Variants in BUB3 observed in about 807,000 individuals in gnomAD.
BUB3 encodes the protein mitotic checkpoint protein BUB3.
In BUB3, 22 loss-of-function variants were observed where a neutral mutation model predicts 39.9. The ratio of observed to expected loss-of-function variants is 0.55; its 90% CI spans 0.39 to 0.79. The LOEUF (loss-of-function observed/expected upper bound fraction) is 0.79. BUB3 is among the 30% of genes least tolerant of loss of function. The pLI is 0.00. For synonymous variants in BUB3, 168 were observed against 155.1 expected, an observed-to-expected ratio of 1.08 and a Z score of -0.62; for missense variants, 303 against 415.4, an observed-to-expected ratio of 0.73 and a Z score of 2.35.
chr10:123,159,865 C>A (rs760240669), intron 4 of BUB3, among the ~76,000 whole-genome samples: 1 of 152,062 alleles, frequency 6.6e-6, no homozygotes, highest in Non-Finnish European at 1.5e-5. Context: ...GCTCCCTCAC[C>A]CTTCCTGGAA....
At chr10:123,163,729 T>G in intron 7 of BUB3, 91 bp from the exon 8 acceptor site, 1 of 1,160,676 alleles carries the variant, frequency 8.6e-7, no homozygotes, top group Non-Finnish European at 1.3e-6. Flanking sequence ...GATAAAGGGC[T>G]GTGTTTGCAT....
At chr10:123,161,580 C>G (rs1844424708) in intron 5 of BUB3, among the ~76,000 whole-genome samples, 1 of 152,124 alleles carries the variant, frequency 6.6e-6, no homozygotes, top group African/African-American at 2.4e-5. Flanking sequence ...TCTTCATAAA[C>G]AGTTTTCAGG....
In BUB3 at chr10:123,164,664, G is replaced by C; in HGVS notation, c.*829G>C. On this transcript the variant is annotated 3_prime_UTR_variant, in exon 8 of 8. Transcript: ENST00000368865. ...ATGAATTTTTGGAAACATTAATGAG[G>C]TTTACATATTTCTCTGACATTTATA... 9.9e-7 allele frequency: 1 copy of C among 1,005,316 alleles called. No individual in the cohort carries two copies. The highest frequency in any genetic ancestry group is 1.7e-5 in the African/African-American group (1 of 57,964). The allele number at this position is 1,005,316 out of a possible 1,614,324, so 62.3% of individuals were successfully genotyped here. A position where few individuals can be genotyped will look rare whatever the true frequency, so the allele number is the denominator to read the frequency against.
Position 123,160,571 on chromosome 10 carries a change from G to T in BUB3, c.576+6G>T. The T allele has an allele frequency of 6.4e-7, 1 of 1,562,244 alleles. No individual in the cohort carries two copies. The highest frequency in any genetic ancestry group is 1.2e-5 in the South Asian group (1 of 83,370). ...GAGCGTTTCCAAACAAGCAGGTATT[G>T]AACTATACCTCCTCTTCTTTCTGGA... On this transcript the variant is annotated splice_donor_region_variant and intron_variant, in intron 5 of 7. Transcript: ENST00000368865.
chr10:123,162,542 C>T lies in BUB3; in HGVS notation c.755-70C>T. On this transcript the variant is annotated intron_variant, in intron 6 of 7. Transcript: ENST00000368865. Reference sequence around the variant, plus strand: ...TAACTTCTATGACCTTAAAAATTAACTGTTAAGAGAATGGTTATTTCTGTA... The same window carrying T: ...TAACTTCTATGACCTTAAAAATTAATTGTTAAGAGAATGGTTATTTCTGTA... 2.6e-6 allele frequency: 4 copies of T among 1,557,350 alleles called. No homozygotes were observed. The East Asian group carries it at 6.7e-5, about 26-fold the overall frequency.
At position 123,164,022 on chromosome 10, in the gene BUB3, A is replaced by G; in HGVS notation, c.*187A>G. On this transcript the variant is annotated 3_prime_UTR_variant, in exon 8 of 8. Coordinates refer to ENST00000368865, the MANE Select transcript of BUB3 (RefSeq NM_004725.4). ...ATAAACACCTTCTTAAGTGCATGAG[A>G]TGGTTTGATGGTTTGCTGCATTAAA... The G allele has an allele frequency of 7.8e-7, 1 of 1,283,544 alleles. No individual in the cohort carries two copies. Among genetic ancestry groups the G allele is most frequent in the Non-Finnish European group, 9.9e-7 (1 of 1,014,180 alleles). 79.5% of individuals were successfully genotyped at this position (1,283,544 alleles called of 1,614,324 possible).
In BUB3 at chr10:123,169,406, A is replaced by G. The variant is rs1564786098; in HGVS notation, c.*5571A>G. On this transcript the variant is annotated 3_prime_UTR_variant, in exon 8 of 8. Transcript: ENST00000368865. Reference sequence around the variant, plus strand: ...TGCCTGTGATGTGCCAGCCACTGCTAGGTTCTGGGGCTCAAAACACTGTGA... The same window carrying G: ...TGCCTGTGATGTGCCAGCCACTGCTGGGTTCTGGGGCTCAAAACACTGTGA... 6.6e-6 allele frequency: 1 copy of G among 152,370 alleles called. No individual in the cohort carries two copies. Among genetic ancestry groups the G allele is most frequent in the Non-Finnish European group, 1.5e-5 (1 of 68,038 alleles). 9.4% of individuals were successfully genotyped at this position (152,370 alleles called of 1,614,324 possible).
intron 4 of BUB3, among the ~76,000 whole-genome samples, chr10:123,158,609 C>A (rs1844380779): frequency 6.6e-6 from 1 of 152,190 alleles, no homozygotes; most frequent in African/African-American, 2.4e-5. Context: ...TATTCAATTC[C>A]TGTTAGCCAT....
In BUB3 at chr10:123,170,128, G is replaced by T. The variant is rs1392223122; in HGVS notation, c.*6293G>T. The stretch of plus-strand genomic sequence containing the variant: ...ATGAAGAGAATACCTAGCTCATGGA[G>T]TTAGGAACAAGTATGTTAAATATTT... On this transcript the variant is annotated 3_prime_UTR_variant, in exon 8 of 8. Transcript: ENST00000368865. The T allele has an allele frequency of 6.6e-6, 1 of 152,186 alleles. No individual in the cohort carries two copies. The highest frequency in any genetic ancestry group is 1.5e-5 in the Non-Finnish European group (1 of 68,036). 9.4% of individuals were successfully genotyped at this position (152,186 alleles called of 1,614,324 possible).
chr10:123,161,777 T>C (rs1844426690), intron 5 of BUB3, among the ~76,000 whole-genome samples: 1 of 152,226 alleles, frequency 6.6e-6, no homozygotes, highest in African/African-American at 2.4e-5. Context: ...ATGCAAGAAG[T>C]AGTATGACTG....
Position 123,165,022 on chromosome 10 carries a change from T to C in BUB3, c.*1187T>C. 1 of 1,613,006 alleles carries C rather than the reference T, an allele frequency of 6.2e-7. No homozygotes were observed. The highest frequency in any genetic ancestry group is 1.3e-5 in the African/African-American group (1 of 75,016). ...CTTGGTGTAAGTCTGAACCCATCTT[T>C]TGAAATGTATTTTCTTCATTGCAGG... On this transcript the variant is annotated 3_prime_UTR_variant, in exon 8 of 8. Transcript: ENST00000368865.
At position 123,155,134 on chromosome 10, in the gene BUB3, T is replaced by C. The variant is rs370367491; in HGVS notation, c.195+22T>C. On this transcript the variant is annotated intron_variant, in intron 2 of 7. Coordinates refer to ENST00000368865, the MANE Select transcript of BUB3 (RefSeq NM_004725.4). ...CTACGTAGGTGCCCTCCCGCCCTGC[T>C]CCTGCCCTCTTACTGTGTTAACGAT... 948 of 1,609,304 alleles carry C rather than the reference T, an allele frequency of 5.9e-4. 1 individual carries two copies. The highest frequency in any genetic ancestry group is 7.3e-4 in the Non-Finnish European group (858 of 1,177,822).
rs1844530076 is a variant in BUB3 at position 123,169,896 on chromosome 10, A to C, written c.*6061A>C. 1 of 152,204 alleles carries C rather than the reference A, an allele frequency of 6.6e-6. No individual in the cohort carries two copies. Among genetic ancestry groups the C allele is most frequent in the Non-Finnish European group, 1.5e-5 (1 of 68,048 alleles). The allele number at this position is 152,204 out of a possible 1,614,324, so 9.4% of individuals were successfully genotyped here. A position where few individuals can be genotyped will look rare whatever the true frequency, so the allele number is the denominator to read the frequency against. ...ACATGGCGTGACCCATCTCTACAAA[A>C]GATACAAAAATTAACTGGATGTGGT... On this transcript the variant is annotated 3_prime_UTR_variant, in exon 8 of 8. Transcript: ENST00000368865.
chr10:123,160,292 G>T (rs781327179), intron 4 of BUB3, 115 bp from the exon 5 acceptor site: 1 of 920,090 alleles, frequency 1.1e-6, no homozygotes, highest in Non-Finnish European at 1.6e-6. Flanking sequence ...TGTGATTGGG[G>T]AATTCAGTCA....
chr10:123,154,758 C>G (rs1172081168), intron 1 of BUB3, 160 bp from the exon 2 acceptor site: 1 of 758,332 alleles, frequency 1.3e-6, no homozygotes, highest in Non-Finnish European at 2.0e-6. Flanking sequence ...TGGGGCGAGT[C>G]CGGACCTTGG....
rs1207799283 is a variant in BUB3 at position 123,157,880 on chromosome 10, G to A, written c.417G>A (p.Lys139=). The A allele has an allele frequency of 6.2e-7, 1 of 1,611,820 alleles. No individual in the cohort carries two copies. The highest frequency in any genetic ancestry group is 1.7e-5 in the Admixed American group (1 of 59,504). The change falls in exon 4 of 8, where the codon AAG becomes AAA. Residue 139 remains lysine, a splice_region_variant and synonymous_variant. Coordinates refer to ENST00000368865, the MANE Select transcript of BUB3 (RefSeq NM_004725.4). ...CTGGGACCTTCTCTCAGCCTGAAAA[G>A]GTAGGCTCTTTATATTCATTGCAGG... ...CNAGTFSQPE[K]VYTLSVSGDR...
rs117847680 is a variant in BUB3, at chr10:123,157,640, A to G, written c.266-89A>G. 141 of 1,421,056 alleles carry G rather than the reference A, an allele frequency of 9.9e-5. No individual in the cohort carries two copies. The East Asian group carries it at 3.3e-3, about 33-fold the overall frequency. 88.0% of individuals were successfully genotyped at this position (1,421,056 alleles called of 1,614,324 possible). The stretch of plus-strand genomic sequence containing the variant: ...AGGCAAATTCATTACAGTTGAATGA[A>G]TGTTTCTTTTAATTGTTTATTTTAG... On this transcript the variant is annotated intron_variant, in intron 3 of 7. Transcript: ENST00000368865.
Position 123,156,753 on chromosome 10 carries a change from G to GTTTTTTTTTTTTTTTTTTTTTTTTTTTT in BUB3, c.266-965_266-964insTTTTTTTTTTTTTTTTTTTTTTTTTTTT, listed in dbSNP as rs756642442. 3.0e-4 allele frequency among the ~76,000 whole-genome samples: 41 copies of GTTTTTTTTTTTTTTTTTTTTTTTTTTTT among 135,076 alleles called. 1 individual carries two copies. The highest frequency in any genetic ancestry group is 2.8e-3 in the East Asian group (11 of 3,982). The allele number at this position is 135,076 out of a possible 152,430, so 88.6% of individuals were successfully genotyped here. ...ATGAAATCCTTTCTTTTTCTTTCTT[G>GTTTTTTTTTTTTTTTTTTTTTTTTTTTT]TTTTTTTTTTTGAGCTAGAGTCTCA... On this transcript the variant is annotated intron_variant, in intron 3 of 7. Transcript: ENST00000368865.
intron 3 of BUB3, 65 bp downstream of exon 3, chr10:123,155,792 G>A (rs1844342038): frequency 2.0e-6 from 3 of 1,481,970 alleles, no homozygotes; most frequent in Non-Finnish European, 2.8e-6. Flanking sequence ...AAATGTTTAT[G>A]TAGGAAGAGT....
Sources: allele counts gnomAD v4.1 joint callset (sites outside exome capture counted in the v4.1 genomes callset), GRCh38; gene constraint gnomAD v4.1.1; transcripts MANE v1.5; gene names NCBI Gene and HGNC (gene_info 2026-07-23, HGNC 2026-07-21).